Variants in LSAMP observed in about 807,000 individuals in gnomAD.
The protein encoded by LSAMP is limbic system associated membrane protein, also known as limbic system-associated membrane protein.
In LSAMP, 7 loss-of-function variants were observed where a neutral mutation model predicts 38.6. The observed-to-expected ratio is 0.18, with a 90% CI of 0.10 to 0.34. LSAMP has a LOEUF of 0.34. Ranked by LOEUF, LSAMP falls within the 10% of genes least tolerant of loss-of-function variation. The pLI, the probability that LSAMP is intolerant of heterozygous loss-of-function variation, is 1.00. For missense variants in LSAMP, 313 were observed against 420.0 expected, an observed-to-expected ratio of 0.75 and a Z score of 2.23; for synonymous variants, 154 against 166.8, an observed-to-expected ratio of 0.92 and a Z score of 0.59.
chr3:116,104,035 T>C (rs1318401567), intron 1 of LSAMP, among the ~76,000 whole-genome samples: 2 of 152,132 alleles, frequency 1.3e-5, no homozygotes, highest in Non-Finnish European at 2.9e-5. Flanking sequence ...GAATGCATTG[T>C]TTATTAAGTA....
chr3:116,008,123 T>C (rs1182705958), intron 3 of LSAMP, among the ~76,000 whole-genome samples: 1 of 152,234 alleles, frequency 6.6e-6, no homozygotes, highest in East Asian at 1.9e-4. Flanking sequence ...CTGTGGAACT[T>C]AATAACAACA....
chr3:116,392,670 A>T (rs998113889), intron 1 of LSAMP, among the ~76,000 whole-genome samples: 1 of 152,134 alleles, frequency 6.6e-6, no homozygotes, highest in African/African-American at 2.4e-5. Context: ...GTCTGAAATC[A>T]GGGGGCTGGG....
intron 1 of LSAMP, among the ~76,000 whole-genome samples, chr3:116,100,861 C>G (rs1708330850): frequency 6.6e-6 from 1 of 152,182 alleles, no homozygotes; most frequent in African/African-American, 2.4e-5. Flanking sequence ...CTTTCTAGAT[C>G]TGGTTTTTCC....
intron 1 of LSAMP, among the ~76,000 whole-genome samples, chr3:116,125,881 G>A (rs906643061): frequency 6.6e-6 from 1 of 152,192 alleles, no homozygotes; most frequent in Non-Finnish European, 1.5e-5. Context: ...ATTTGTGGTT[G>A]TGCCTGGGCT....
At chr3:116,165,467 T>C (rs1710026981) in intron 1 of LSAMP, among the ~76,000 whole-genome samples, 1 of 152,040 alleles carries the variant, frequency 6.6e-6, no homozygotes, top group South Asian at 2.1e-4. Flanking sequence ...AAAGAGAAAA[T>C]AGCAAAGCGC....
At chr3:116,110,641 G>T (rs9872665) in intron 1 of LSAMP, among the ~76,000 whole-genome samples, 24,901 of 152,198 alleles carry the variant, frequency 0.16, 2,130 homozygotes, top group Non-Finnish European at 0.19. Flanking sequence ...AGTGTAAAAA[G>T]AGGCCGCTTA....
At chr3:115,814,916 T>A (rs1933964285) in intron 6 of LSAMP, among the ~76,000 whole-genome samples, 1 of 152,326 alleles carries the variant, frequency 6.6e-6, no homozygotes, top group Admixed American at 6.5e-5. Flanking sequence ...GGCATGTTGG[T>A]ATCCTGGGAA....
chr3:115,994,208 A>G (rs1428854915), intron 3 of LSAMP, among the ~76,000 whole-genome samples: 1 of 152,026 alleles, frequency 6.6e-6, no homozygotes, highest in African/African-American at 2.4e-5. Context: ...ATATTTGGGA[A>G]ACAATAACCA....
intron 1 of LSAMP, among the ~76,000 whole-genome samples, chr3:116,104,045 A>G (rs1708408401): frequency 6.6e-6 from 1 of 152,322 alleles, no homozygotes; most frequent in African/African-American, 2.4e-5. Flanking sequence ...TTTATTAAGT[A>G]GAAAGCTTTC....
chr3:116,163,754 T>G (rs1709960657), intron 1 of LSAMP, among the ~76,000 whole-genome samples: 1 of 152,144 alleles, frequency 6.6e-6, no homozygotes, highest in Non-Finnish European at 1.5e-5. Context: ...AAAAAAATAT[T>G]GATACAAGTT....
chr3:116,010,745 G>C (rs1940300191), intron 3 of LSAMP, among the ~76,000 whole-genome samples: 2 of 152,116 alleles, frequency 1.3e-5, no homozygotes, highest in Admixed American at 1.3e-4. Flanking sequence ...GAATCTTCTT[G>C]GCAATAAATT....
intron 3 of LSAMP, among the ~76,000 whole-genome samples, chr3:116,002,931 A>T (rs1940043869): frequency 6.6e-6 from 1 of 152,212 alleles, no homozygotes; most frequent in Non-Finnish European, 1.5e-5. Flanking sequence ...GGTTAAGAAG[A>T]AGTGCTATAA....
intron 3 of LSAMP, among the ~76,000 whole-genome samples, chr3:115,932,605 A>G (rs191046805): frequency 5.9e-5 from 9 of 152,362 alleles, no homozygotes; most frequent in Non-Finnish European, 1.2e-4. Flanking sequence ...ATTTTTTGGC[A>G]TGTATAGTAT....
At chr3:116,382,316 A>G (rs571984694) in intron 1 of LSAMP, among the ~76,000 whole-genome samples, 9 of 152,196 alleles carry the variant, frequency 5.9e-5, no homozygotes, top group African/African-American at 2.2e-4. Flanking sequence ...ATGGAATACT[A>G]TGCAGCCATA....
At position 116,221,515 on chromosome 3, in the gene LSAMP, GA is replaced by G. The variant is rs553675794; in HGVS notation, c.156-134960del. On this transcript the variant is annotated intron_variant, in intron 1 of 6. Coordinates refer to ENST00000490035, the MANE Select transcript of LSAMP (RefSeq NM_002338.5). Reference sequence around the variant, plus strand: ...CTCCACTCATTTGTCTGTAAAGTGAGATAGATTGTCTAGATCAGTGATTTCC... The same window carrying G: ...CTCCACTCATTTGTCTGTAAAGTGAGTAGATTGTCTAGATCAGTGATTTCC... 2.0e-4 allele frequency among the ~76,000 whole-genome samples: 31 copies of G among 152,320 alleles called. No homozygotes were observed. The East Asian group carries it at 6.0e-3, about 29-fold the overall frequency.
chr3:116,287,086 G>A (rs1005945943), intron 1 of LSAMP, among the ~76,000 whole-genome samples: 11 of 151,998 alleles, frequency 7.2e-5, no homozygotes, highest in East Asian at 1.9e-4. Context: ...AGTTGGTAGC[G>A]CTTTCTTGGA....
intron 1 of LSAMP, among the ~76,000 whole-genome samples, chr3:116,319,262 C>T (rs1404933435): frequency 6.6e-6 from 1 of 152,154 alleles, no homozygotes; most frequent in East Asian, 1.9e-4. Flanking sequence ...ATGAGATTTT[C>T]CTGCAATTTG....
chr3:116,061,946 G>A (rs1289382844), intron 2 of LSAMP, among the ~76,000 whole-genome samples: 2 of 152,280 alleles, frequency 1.3e-5, no homozygotes, highest in Admixed American at 1.3e-4. Context: ...GAAAGACAAT[G>A]TGACTCTGTG....
chr3:116,239,784 T>C (rs1343849207), intron 1 of LSAMP, among the ~76,000 whole-genome samples: 2 of 152,172 alleles, frequency 1.3e-5, no homozygotes, highest in African/African-American at 4.8e-5. Flanking sequence ...AAAATTATTC[T>C]AAATCTAAAA....
Sources: allele counts gnomAD v4.1 joint callset (sites outside exome capture counted in the v4.1 genomes callset), GRCh38; gene constraint gnomAD v4.1.1; transcripts MANE v1.5; gene names NCBI Gene and HGNC (gene_info 2026-07-23, HGNC 2026-07-21).